The following LRP1B variants were observed in gnomAD, a reference collection of about 807,000 sequenced individuals.
LRP1B encodes low-density lipoprotein receptor-related protein 1B.
A neutral mutation model predicts 556.6 loss-of-function variants in LRP1B; 217 were observed. The ratio of observed to expected loss-of-function variants is 0.39; its 90% confidence interval spans 0.35 to 0.44. The LOEUF is 0.44. LRP1B is among the 20% of genes least tolerant of loss of function. The probability of loss-of-function intolerance (pLI) is 1.00; values close to 1 mark genes in which losing one functional copy is unlikely to be tolerated. For missense variants in LRP1B, 5,053 were observed against 5,620.8 expected (o/e 0.90, Z 3.23); for synonymous variants, 2,047 against 1,865.8 (o/e 1.10, Z -2.50).
At chr2:140,288,758 C>T (rs1683260981) in intron 84 of LRP1B, among the ~76,000 whole-genome samples, 1 of 151,696 alleles carries the variant, frequency 6.6e-6, no homozygotes, top group South Asian at 2.1e-4. Context: ...GATTTCCCAA[C>T]AGATATTTAA....
intron 2 of LRP1B, among the ~76,000 whole-genome samples, chr2:141,793,180 A>C (rs1442276947): frequency 6.6e-6 from 1 of 151,942 alleles, no homozygotes. Context: ...TTCATGTTGC[A>C]TGCTTAATGA....
At chr2:140,929,518 ATCT>A (rs933465343) in intron 20 of LRP1B, among the ~76,000 whole-genome samples, 3 of 152,222 alleles carry the variant, frequency 2.0e-5, no homozygotes, top group African/African-American at 7.2e-5. Context: ...ATCTTGAAAG[ATCT>A]TGTGTGTTGT....
intron 3 of LRP1B, among the ~76,000 whole-genome samples, chr2:141,463,564 ATT>A (rs1225351245): frequency 0.31 from 27,050 of 88,172 alleles, 4,465 homozygotes; most frequent in East Asian, 0.54. Flanking sequence ...TATAATATAT[ATT>A]ATATATTATA....
chr2:141,789,611 A>T (rs959820141), intron 2 of LRP1B, among the ~76,000 whole-genome samples: 11 of 151,970 alleles, frequency 7.2e-5, no homozygotes, highest in African/African-American at 1.2e-4. Context: ...TCATTAAAAA[A>T]ATTCATATGG....
intron 35 of LRP1B, among the ~76,000 whole-genome samples, chr2:140,727,737 G>A (rs918362179): frequency 6.6e-6 from 1 of 152,146 alleles, no homozygotes; most frequent in Non-Finnish European, 1.5e-5. Flanking sequence ...CAGTGCCTCA[G>A]TACAAATAGG....
At chr2:141,595,665 T>C (rs1184222489) in intron 2 of LRP1B, among the ~76,000 whole-genome samples, 2 of 152,084 alleles carry the variant, frequency 1.3e-5, no homozygotes, top group Admixed American at 6.6e-5. Context: ...ACATCTTTCA[T>C]CAATTTCTCC....
At chr2:140,425,702 G>A (rs1036264010) in intron 66 of LRP1B, among the ~76,000 whole-genome samples, 11 of 152,064 alleles carry the variant, frequency 7.2e-5, no homozygotes, top group African/African-American at 1.7e-4. Flanking sequence ...CACCGTACCC[G>A]TCCCTGTTCA....
At chr2:140,483,611 C>CACAG (rs1284889737) in intron 59 of LRP1B, among the ~76,000 whole-genome samples, 5 of 74,352 alleles carry the variant, frequency 6.7e-5, no homozygotes, top group African/African-American at 2.6e-4. Flanking sequence ...CACACACACA[C>CACAG]ACACATATAT....
intron 41 of LRP1B, among the ~76,000 whole-genome samples, chr2:140,653,321 G>A (rs746909579): frequency 2.0e-5 from 3 of 152,022 alleles, no homozygotes; most frequent in African/African-American, 7.2e-5. Context: ...AATATTTCAG[G>A]ATAAGGACTG....
rs1406345526 is a variant in LRP1B, at chr2:141,608,070, C to G, written c.206-127537G>C. Among the ~76,000 whole-genome samples the G allele has an allele frequency of 2.0e-5, 3 of 151,796 alleles. No individual in the cohort carries two copies. In the East Asian group the frequency reaches 5.8e-4, roughly 29 times the overall value. ...AGGAACCCTGTCTCTGCTAAAAATA[C>G]AAAATTAGCTGGGTGTGGTGGTGCA... is the stretch of plus-strand genomic sequence containing the variant. On this transcript the variant is annotated intron_variant, in intron 2 of 90. Transcript: ENST00000389484.
At chr2:141,182,439 G>T (rs1025862839) in intron 7 of LRP1B, among the ~76,000 whole-genome samples, 3 of 151,904 alleles carry the variant, frequency 2.0e-5, no homozygotes, top group Admixed American at 2.0e-4. Flanking sequence ...TGAATGCTGA[G>T]GTCAGCTAAT....
intron 7 of LRP1B, among the ~76,000 whole-genome samples, chr2:141,174,146 A>C (rs1199602104): frequency 6.6e-6 from 1 of 152,134 alleles, no homozygotes; most frequent in African/African-American, 2.4e-5. Context: ...TCTGGAAAAC[A>C]AGATATTCTA....
At chr2:140,771,405 G>T (rs1301248336) in intron 33 of LRP1B, among the ~76,000 whole-genome samples, 1 of 152,034 alleles carries the variant, frequency 6.6e-6, no homozygotes, top group Non-Finnish European at 1.5e-5. Flanking sequence ...CACATAAATA[G>T]CTGTTAAATT....
rs141485659 is a variant in LRP1B, at chr2:140,805,416, G to A, written c.5359+8241C>T. ...GATAGCCAATTGCAAGTGATTCTAA[G>A]ATTTGATGGTTGTTGGAGATAGCTA... is the stretch of plus-strand genomic sequence containing the variant. On this transcript the variant is annotated intron_variant, in intron 32 of 90. Transcript: ENST00000389484. 6.3e-3 allele frequency among the ~76,000 whole-genome samples: 962 copies of A among 152,220 alleles called. 12 individuals carry two copies. Among genetic ancestry groups the A allele is most frequent in the African/African-American group, 0.02 (849 of 41,566 alleles).
intron 20 of LRP1B, among the ~76,000 whole-genome samples, chr2:140,946,572 G>C (rs186937222): frequency 3.9e-5 from 6 of 152,228 alleles, no homozygotes; most frequent in East Asian, 1.9e-4. Context: ...CTGCACTCCA[G>C]CTTGGGCAAC....
chr2:141,185,075 T>C (rs1681182414), intron 7 of LRP1B, among the ~76,000 whole-genome samples: 1 of 152,096 alleles, frequency 6.6e-6, no homozygotes, highest in African/African-American at 2.4e-5. Context: ...GCAATTATCA[T>C]TGAGGCGAAA....
chr2:140,911,238 A>G (rs997461852), intron 21 of LRP1B, among the ~76,000 whole-genome samples: 1 of 151,786 alleles, frequency 6.6e-6, no homozygotes, highest in African/African-American at 2.4e-5. Flanking sequence ...ATTTCCATAC[A>G]TTTATCAATA....
chr2:140,240,620 T>C (rs1680909529), intron 87 of LRP1B, among the ~76,000 whole-genome samples: 1 of 150,854 alleles, frequency 6.6e-6, no homozygotes, highest in Admixed American at 6.6e-5. Context: ...CTGAAAAATA[T>C]CTAGTACACA....
At chr2:141,709,271 C>T (rs552402464) in intron 2 of LRP1B, among the ~76,000 whole-genome samples, 1 of 151,996 alleles carries the variant, frequency 6.6e-6, no homozygotes, top group East Asian at 1.9e-4. Flanking sequence ...ATTGCCTGAA[C>T]CTGGGAGGCA....
Sources: gnomAD v4.1 joint callset for allele counts (sites outside exome capture counted in the v4.1 genomes callset) on GRCh38, gnomAD v4.1.1 for gene constraint, MANE v1.5 for transcripts, NCBI Gene and HGNC (gene_info 2026-07-23, HGNC 2026-07-21) for gene names.